The following PCDHGA4 variants were observed in gnomAD, a reference collection of about 807,000 sequenced individuals.
PCDHGA4 encodes protocadherin gamma-A4.
PCDHGA4 carries 38 observed loss-of-function variants against 54.6 expected under a neutral mutation model. The ratio of observed to expected loss-of-function variants is 0.70; its 90% CI spans 0.54 to 0.91. PCDHGA4 has a LOEUF of 0.91. PCDHGA4 is among the 40% of genes least tolerant of loss of function. PCDHGA4 has a pLI of 0.00. For missense variants in PCDHGA4, 1,298 were observed against 1,220.9 expected (o/e 1.06, Z -0.94); for synonymous variants, 511 against 512.9 (o/e 1.00, Z 0.05).
chr5:141,495,529 C>T (rs1466269939), intron 2 of PCDHGA4, among the ~76,000 whole-genome samples: 1 of 152,210 alleles, frequency 6.6e-6, no homozygotes, highest in African/African-American at 2.4e-5. Flanking sequence ...ACCTCTCAGT[C>T]CTTCCCTCAG....
At chr5:141,405,140 G>A in intron 1 of PCDHGA4, 1 of 1,614,072 alleles carries the variant, frequency 6.2e-7, no homozygotes, top group Non-Finnish European at 8.5e-7. Flanking sequence ...GGCTACCAGT[G>A]ATGGGTTGGC....
chr5:141,451,860 C>T, intron 1 of PCDHGA4, among the ~76,000 whole-genome samples: 1 of 151,832 alleles, frequency 6.6e-6, no homozygotes, highest in Non-Finnish European at 1.5e-5. Flanking sequence ...CAGCCTAGGC[C>T]ACAGAATGAA....
intron 1 of PCDHGA4, chr5:141,400,256 G>A (rs756430299): frequency 9.9e-6 from 16 of 1,613,986 alleles, no homozygotes; most frequent in Admixed American, 1.7e-5. Context: ...GTTGCCTTGC[G>A]CCTGCGACGC....
In PCDHGA4 at chr5:141,392,907, C is replaced by T. The variant is rs746317747; in HGVS notation, c.2514+35286C>T. The T allele has an allele frequency of 5.6e-6, 9 of 1,613,824 alleles. No homozygotes were observed. In the East Asian group the frequency reaches 1.8e-4, roughly 32 times the overall value. On this transcript the variant is annotated intron_variant, in intron 1 of 3. Coordinates refer to ENST00000571252, the MANE Select transcript of PCDHGA4 (RefSeq NM_018917.4). Reference sequence around the variant, plus strand: ...GTGGGAAATCGGGAGGGGACAGATTCGCTACTCTGTGCCAGAAGAGACGGA... The same window carrying T: ...GTGGGAAATCGGGAGGGGACAGATTTGCTACTCTGTGCCAGAAGAGACGGA...
intron 1 of PCDHGA4, chr5:141,422,542 G>T (rs368252552): frequency 1.2e-5 from 19 of 1,613,878 alleles, no homozygotes; most frequent in Admixed American, 1.7e-5. Context: ...AGAAACTCAT[G>T]TCTGGCTGAA....
rs70988800 is a variant in PCDHGA4 at position 141,379,889 on chromosome 5, CTTTTTTTTTTTTT to C, written c.2514+22286_2514+22298del. Among the ~76,000 whole-genome samples the C allele has an allele frequency of 8.7e-4, 44 of 50,836 alleles. 1 individual carries two copies. The South Asian group carries it at 0.014, about 16-fold the overall frequency. The allele number at this position is 50,836 out of a possible 152,430, so 33.4% of individuals were successfully genotyped here. On this transcript the variant is annotated intron_variant, in intron 1 of 3. Transcript: ENST00000571252. ...CTTATTTTATGGTCTGTGAAAGCCT[CTTTTTTTTTTTTT>C]TTTTTTTTTTTTTTTTTGTCAGAGT...
At chr5:141,481,618 G>C (rs1339565594) in intron 1 of PCDHGA4, among the ~76,000 whole-genome samples, 1 of 152,142 alleles carries the variant, frequency 6.6e-6, no homozygotes, top group African/African-American at 2.4e-5. Context: ...AGGAGTTCAA[G>C]ACCGGCCTGG....
At chr5:141,452,858 T>C (rs904455495) in intron 1 of PCDHGA4, among the ~76,000 whole-genome samples, 1 of 152,202 alleles carries the variant, frequency 6.6e-6, no homozygotes. Flanking sequence ...GGGGAGATGA[T>C]TTTCTAACTC....
intron 1 of PCDHGA4, chr5:141,430,690 G>A: frequency 1.4e-6 from 2 of 1,410,426 alleles, no homozygotes; most frequent in Non-Finnish European, 1.9e-6. Flanking sequence ...CCCATTCTAT[G>A]GGCGAAGGAA....
At position 141,431,052 on chromosome 5, in the gene PCDHGA4, G is replaced by A. The variant is rs148326556; in HGVS notation, c.2515-63755G>A. On this transcript the variant is annotated intron_variant, in intron 1 of 3. Transcript: ENST00000571252. The surrounding 1 kb of genome is among the most constrained non-coding windows in gnomAD (Gnocchi z 4.8). Reference sequence around the variant, plus strand: ...ATAGACCGGGAGGAGCTCTGTATGGGGGCCATCAAGTGTCAATTAAATCTA... The same window carrying A: ...ATAGACCGGGAGGAGCTCTGTATGGAGGCCATCAAGTGTCAATTAAATCTA... 2 of 1,614,228 alleles carry A rather than the reference G, an allele frequency of 1.2e-6. No individual in the cohort carries two copies. The highest frequency in any genetic ancestry group is 1.7e-6 in the Non-Finnish European group (2 of 1,180,044).
chr5:141,427,096 T>A, intron 1 of PCDHGA4: 1 of 458,056 alleles, frequency 2.2e-6, no homozygotes, highest in Non-Finnish European at 4.4e-6. Flanking sequence ...GATGAGGGTG[T>A]CAATGCGGAG....
intron 1 of PCDHGA4, chr5:141,374,142 TG>T (rs1770186580): frequency 6.2e-7 from 1 of 1,610,196 alleles, no homozygotes; most frequent in Non-Finnish European, 8.5e-7. Flanking sequence ...CTCACGCTCC[TG>T]GGGACGCTGT....
intron 1 of PCDHGA4, chr5:141,415,428 G>C (rs948747218): frequency 1.2e-6 from 2 of 1,614,088 alleles, no homozygotes; most frequent in Non-Finnish European, 1.7e-6. Context: ...ACGGGGTTCG[G>C]GCTTTCCTGC....
At chr5:141,404,169 C>G in intron 1 of PCDHGA4, 4 of 1,612,736 alleles carry the variant, frequency 2.5e-6, no homozygotes, top group Non-Finnish European at 3.4e-6. Flanking sequence ...AGATTGTTGA[C>G]GGCCCAAATT....
intron 1 of PCDHGA4, among the ~76,000 whole-genome samples, chr5:141,437,829 C>T (rs2097913718): frequency 6.6e-6 from 1 of 151,986 alleles, no homozygotes; most frequent in Admixed American, 6.6e-5. Flanking sequence ...CCTCTGCCTC[C>T]TGGGTTCATG....
intron 1 of PCDHGA4, among the ~76,000 whole-genome samples, chr5:141,430,346 C>G (rs1191705310): frequency 6.8e-6 from 1 of 148,074 alleles, no homozygotes; most frequent in Non-Finnish European, 1.5e-5. Context: ...ACTTCCAATT[C>G]ATTTAAAAGC....
In PCDHGA4 at chr5:141,505,496, T is replaced by C; in HGVS notation, c.2662+15T>C. 6.2e-7 allele frequency: 1 copy of C among 1,614,148 alleles called. No homozygotes were observed. The highest frequency in any genetic ancestry group is 8.5e-7 in the Non-Finnish European group (1 of 1,180,004). ...GTCCGCCAGTGGTAAGTGGTGTCAGTGTGTGTATGGAAGAGTGGGAGACCT... is the reference window on the plus strand; with the variant it reads ...GTCCGCCAGTGGTAAGTGGTGTCAGCGTGTGTATGGAAGAGTGGGAGACCT... On this transcript the variant is annotated intron_variant, in intron 3 of 3. Transcript: ENST00000571252.
intron 1 of PCDHGA4, chr5:141,441,973 C>T (rs1457832429): frequency 6.7e-6 from 2 of 296,542 alleles, no homozygotes; most frequent in Admixed American, 4.4e-5. Context: ...GCTCTTCAGC[C>T]TGGAATGCGC....
intron 1 of PCDHGA4, chr5:141,395,206 A>G (rs773754361): frequency 1.2e-6 from 2 of 1,613,736 alleles, no homozygotes; most frequent in South Asian, 1.1e-5. Context: ...GTAGATTTTC[A>G]TGAATATAAG....
Sources: gnomAD v4.1 joint callset for allele counts (sites outside exome capture counted in the v4.1 genomes callset) on GRCh38, gnomAD v4.1.1 for gene constraint, Gnocchi (gnomAD v3.1) non-coding constraint, MANE v1.5 for transcripts, NCBI Gene and HGNC (gene_info 2026-07-23, HGNC 2026-07-21) for gene names.